The following PTPRR variants were observed in gnomAD, a reference collection of about 807,000 sequenced individuals.
PTPRR encodes the protein protein tyrosine phosphatase receptor type R, also known as receptor-type tyrosine-protein phosphatase R.
In PTPRR, 38 loss-of-function variants were observed where a neutral mutation model predicts 77.2. The ratio of observed to expected loss-of-function variants is 0.49; its 90% confidence interval spans 0.38 to 0.65. The LOEUF is 0.65. PTPRR is among the 30% of genes least tolerant of loss of function. The probability of loss-of-function intolerance (pLI) is 0.00; values close to 1 mark genes in which losing one functional copy is unlikely to be tolerated. For synonymous variants in PTPRR, 299 were observed against 283.1 expected (o/e 1.06, Z -0.57); for missense variants, 744 against 799.2 (o/e 0.93, Z 0.83).
At chr12:70,844,450 G>A (rs1485885560) in intron 2 of PTPRR, among the ~76,000 whole-genome samples, 3 of 152,080 alleles carry the variant, frequency 2.0e-5, no homozygotes, top group African/African-American at 7.2e-5. Flanking sequence ...TATCACATAA[G>A]AAGGTTTATA....
At chr12:70,693,260 C>T (rs781087864) in intron 8 of PTPRR, among the ~76,000 whole-genome samples, 1 of 152,152 alleles carries the variant, frequency 6.6e-6, no homozygotes, top group Non-Finnish European at 1.5e-5. Flanking sequence ...ACAGTATTTT[C>T]CAAGTATTTA....
intron 6 of PTPRR, among the ~76,000 whole-genome samples, chr12:70,713,552 T>C (rs1888908336): frequency 7.0e-6 from 1 of 142,164 alleles, no homozygotes; most frequent in Admixed American, 7.8e-5. Flanking sequence ...TTCTTGCTAA[T>C]ACTTGCTGCT....
At chr12:70,697,693 T>C (rs1403248561) in intron 8 of PTPRR, among the ~76,000 whole-genome samples, 3 of 152,154 alleles carry the variant, frequency 2.0e-5, no homozygotes, top group Non-Finnish European at 2.9e-5. Context: ...CTAGCTCTTA[T>C]GTGTAGGTCT....
intron 1 of PTPRR, among the ~76,000 whole-genome samples, chr12:70,907,394 C>T (rs1231562539): frequency 1.3e-5 from 2 of 152,078 alleles, no homozygotes; most frequent in Non-Finnish European, 2.9e-5. Context: ...CACTGTCAGC[C>T]CAGCATAAAT....
At chr12:70,837,615 G>C (rs1892326516) in intron 2 of PTPRR, among the ~76,000 whole-genome samples, 1 of 152,048 alleles carries the variant, frequency 6.6e-6, no homozygotes, top group African/African-American at 2.4e-5. Context: ...TGAGACATAT[G>C]GAAAGCAGTG....
rs180880587 is a variant in PTPRR at position 70,652,701 on chromosome 12, G to A, written c.1880+4003C>T. On this transcript the variant is annotated intron_variant, in intron 13 of 13. Coordinates refer to ENST00000283228, the MANE Select transcript of PTPRR (RefSeq NM_002849.4). Reference sequence around the variant, plus strand: ...CCTCTGGGAAGACCTTGGTGGTGACGGAAGGCCAAGGCTAAGGTTTCTGAC... The same window carrying A: ...CCTCTGGGAAGACCTTGGTGGTGACAGAAGGCCAAGGCTAAGGTTTCTGAC... Among the ~76,000 whole-genome samples the A allele has an allele frequency of 3.9e-5, 6 of 152,324 alleles. No individual in the cohort carries two copies. The East Asian group carries it at 7.7e-4, about 20-fold the overall frequency.
At chr12:70,811,809 T>C (rs1372839145) in intron 2 of PTPRR, among the ~76,000 whole-genome samples, 1 of 152,176 alleles carries the variant, frequency 6.6e-6, no homozygotes, top group East Asian at 1.9e-4. Flanking sequence ...CAAGGTCAAA[T>C]AGCTCTAAGC....
intron 2 of PTPRR, among the ~76,000 whole-genome samples, chr12:70,813,829 C>T (rs184565099): frequency 1.3e-5 from 2 of 152,278 alleles, no homozygotes; most frequent in East Asian, 1.9e-4. Context: ...CTACATAGAA[C>T]GATCGCTTGC....
intron 6 of PTPRR, among the ~76,000 whole-genome samples, chr12:70,727,405 G>A (rs1889480452): frequency 6.6e-6 from 1 of 151,680 alleles, no homozygotes; most frequent in Non-Finnish European, 1.5e-5. Flanking sequence ...CTTTAAAATG[G>A]GTTATAAGAA....
intron 2 of PTPRR, among the ~76,000 whole-genome samples, chr12:70,867,575 T>G (rs1490874350): frequency 6.6e-6 from 1 of 151,314 alleles, no homozygotes; most frequent in Admixed American, 6.6e-5. Flanking sequence ...TGCTCATGGG[T>G]AGGAAGAATC....
chr12:70,806,685 T>G lies in PTPRR; in HGVS notation c.358-41907A>C, dbSNP rs60434832. Among the ~76,000 whole-genome samples the G allele has an allele frequency of 7.3e-3, 1,115 of 152,326 alleles. 16 individuals are homozygous for G. Among genetic ancestry groups the G allele is most frequent in the African/African-American group, 0.025 (1,041 of 41,574 alleles). On this transcript the variant is annotated intron_variant, in intron 2 of 13. Coordinates refer to ENST00000283228, the MANE Select transcript of PTPRR (RefSeq NM_002849.4). ...TCTTCCTCAGACATGCCGTGCCATTTTTACTCCTATTGCCTTTCCATTGTT... is the reference window on the plus strand; with the variant it reads ...TCTTCCTCAGACATGCCGTGCCATTGTTACTCCTATTGCCTTTCCATTGTT...
rs1223820545 is a variant in PTPRR, at chr12:70,892,686, A to G, written c.350T>C (p.Ile117Thr). ...ENLPIPAANVIVVTLQMDVNK... is the reference protein window; with the variant it reads ...ENLPIPAANVTVVTLQMDVNK... ...GTTTAACATACTACTTACCACCACA[A>G]TTACATTTGCTGCTGGGATTGGGAG... is the stretch of plus-strand genomic sequence containing the variant. The change falls in exon 2 of 14, where the codon ATT (isoleucine) becomes ACT (threonine). Residue 117 changes from isoleucine to threonine, a missense_variant. Around this residue, in one of 3 missense-constraint regions of PTPRR, gnomAD observed 570 missense variants for 573.2 expected, o/e 0.99. Transcript: ENST00000283228. The G allele has an allele frequency of 2.5e-6, 4 of 1,613,058 alleles. No homozygotes were observed. The South Asian group carries it at 3.3e-5, about 13-fold the overall frequency.
chr12:70,664,545 C>A (rs1886911560), intron 10 of PTPRR: 1 of 152,246 alleles, frequency 6.6e-6, no homozygotes, highest in Non-Finnish European at 1.5e-5. Context: ...AGCAGCAGGG[C>A]CCTCTTTAGG....
chr12:70,751,747 T>A (rs1171294932), intron 5 of PTPRR, among the ~76,000 whole-genome samples: 1 of 152,178 alleles, frequency 6.6e-6, no homozygotes, highest in East Asian at 1.9e-4. Context: ...AATACCAAGT[T>A]CTCACATACC....
intron 1 of PTPRR, among the ~76,000 whole-genome samples, chr12:70,912,425 G>A (rs962488731): frequency 6.6e-6 from 1 of 152,020 alleles, no homozygotes; most frequent in Non-Finnish European, 1.5e-5. Flanking sequence ...GACTGCCTGA[G>A]GCCAGTCTTC....
chr12:70,800,266 C>CT (rs754416357), intron 2 of PTPRR, among the ~76,000 whole-genome samples: 3,003 of 144,668 alleles, frequency 0.021, 113 homozygotes, highest in African/African-American at 0.053. Flanking sequence ...ACTGTTCTCT[C>CT]TCTTTTTTTT....
chr12:70,714,735 A>T (rs961134914), intron 6 of PTPRR, among the ~76,000 whole-genome samples: 7 of 152,198 alleles, frequency 4.6e-5, no homozygotes, highest in African/African-American at 1.7e-4. Context: ...CTTTACTCCC[A>T]GCACTTTGGG....
chr12:70,653,597 CAT>C (rs758064669), intron 13 of PTPRR, among the ~76,000 whole-genome samples: 2 of 152,116 alleles, frequency 1.3e-5, no homozygotes, highest in Non-Finnish European at 2.9e-5. Context: ...TTTACAGGCA[CAT>C]GTTAGGTTCC....
chr12:70,750,301 C>A (rs950477505), intron 5 of PTPRR, among the ~76,000 whole-genome samples: 1 of 152,134 alleles, frequency 6.6e-6, no homozygotes, highest in East Asian at 1.9e-4. Context: ...CTTTTCATTT[C>A]TACGGCATGT....
Sources: gnomAD v4.1 joint callset for allele counts (sites outside exome capture counted in the v4.1 genomes callset) on GRCh38, gnomAD v4.1.1 for gene constraint, gnomAD v4.1.1 regional missense constraint, MANE v1.5 for transcripts, NCBI Gene and HGNC (gene_info 2026-07-23, HGNC 2026-07-21) for gene names.